Variants in GRM5 observed in about 807,000 individuals in gnomAD.
GRM5 encodes glutamate metabotropic receptor 5.
Under a neutral mutation model 83.1 loss-of-function variants are expected in GRM5, and 19 were observed. That is an observed-to-expected ratio of 0.23 (90% CI 0.16 to 0.34). The LOEUF is 0.34. Among genes scored for constraint, GRM5 ranks in the 10% least tolerant of loss-of-function variants. GRM5 has a pLI of 1.00. For synonymous variants in GRM5, 675 were observed against 633.6 expected (o/e 1.07, Z -0.98); for missense variants, 1,160 against 1,588.3 (o/e 0.73, Z 4.58).
chr11:88,586,363 A>C (rs1943316216), intron 7 of GRM5, among the ~76,000 whole-genome samples: 2 of 152,188 alleles, frequency 1.3e-5, no homozygotes, highest in African/African-American at 4.8e-5. Flanking sequence ...CATGCTGATA[A>C]TCTTATAGGA....
At chr11:88,677,008 TG>T (rs1940347007) in intron 3 of GRM5, among the ~76,000 whole-genome samples, 1 of 152,072 alleles carries the variant, frequency 6.6e-6, no homozygotes, top group Admixed American at 6.6e-5. Context: ...TTGAAAACTG[TG>T]GAAGTATGGT....
chr11:88,766,966 C>T (rs979001784), intron 3 of GRM5, among the ~76,000 whole-genome samples: 4 of 151,900 alleles, frequency 2.6e-5, no homozygotes, highest in Admixed American at 6.6e-5. Context: ...CATCACTAAT[C>T]GTTAGAAAAA....
intron 8 of GRM5, among the ~76,000 whole-genome samples, chr11:88,550,480 C>A (rs1190091932): frequency 6.6e-6 from 1 of 152,174 alleles, no homozygotes; most frequent in Non-Finnish European, 1.5e-5. Context: ...CAATTTAGTT[C>A]AAGTCAGCCC....
At position 88,979,082 on chromosome 11, in the gene GRM5, A is replaced by T. The variant is rs1939438624; in HGVS notation, c.661+68130T>A. On this transcript the variant is annotated intron_variant, in intron 2 of 9. Coordinates refer to ENST00000305447, the MANE Select transcript of GRM5 (RefSeq NM_001143831.3). ...TTTTCATCTTCTTGTTCAGCAATGC[A>T]GTTTCATTCCTGATGCTGCTATTAA... Among the ~76,000 whole-genome samples the T allele has an allele frequency of 2.0e-5, 3 of 152,198 alleles. No homozygotes were observed. In the South Asian group the frequency reaches 6.2e-4, roughly 31 times the overall value.
chr11:88,860,243 A>T (rs1944539482), intron 2 of GRM5, among the ~76,000 whole-genome samples: 1 of 152,068 alleles, frequency 6.6e-6, no homozygotes, highest in Non-Finnish European at 1.5e-5. Flanking sequence ...TTCCTAGAGG[A>T]AAATAAAAAC....
intron 3 of GRM5, among the ~76,000 whole-genome samples, chr11:88,804,977 T>C (rs1370956976): frequency 6.6e-6 from 1 of 152,132 alleles, no homozygotes; most frequent in Admixed American, 6.5e-5. Context: ...ATTAAAAAAC[T>C]AAAGAAAGAG....
chr11:88,968,113 T>G (rs1440234581), intron 2 of GRM5, among the ~76,000 whole-genome samples: 1 of 152,108 alleles, frequency 6.6e-6, no homozygotes, highest in Admixed American at 6.6e-5. Flanking sequence ...CAATTCAGGC[T>G]TATACAAAAA....
intron 2 of GRM5, among the ~76,000 whole-genome samples, chr11:88,916,962 A>T (rs912660751): frequency 6.6e-6 from 1 of 152,110 alleles, no homozygotes; most frequent in African/African-American, 2.4e-5. Flanking sequence ...AGCACCTCTG[A>T]CTAAAGAGCC....
chr11:89,017,487 C>T (rs1188397119), intron 2 of GRM5, among the ~76,000 whole-genome samples: 1 of 152,136 alleles, frequency 6.6e-6, no homozygotes, highest in Non-Finnish European at 1.5e-5. Context: ...AATGAAAATG[C>T]CTCTTACCAT....
chr11:88,987,325 G>A (rs537280511), intron 2 of GRM5, among the ~76,000 whole-genome samples: 43 of 152,278 alleles, frequency 2.8e-4, no homozygotes, highest in African/African-American at 8.9e-4. Flanking sequence ...GGCACACCAC[G>A]AGATTATATC....
intron 3 of GRM5, among the ~76,000 whole-genome samples, chr11:88,809,486 G>A (rs1396679893): frequency 6.6e-6 from 1 of 151,922 alleles, no homozygotes; most frequent in Non-Finnish European, 1.5e-5. Flanking sequence ...GCTTTATGTA[G>A]TTCATCTCAT....
At chr11:89,036,195 C>G (rs957447627) in intron 2 of GRM5, among the ~76,000 whole-genome samples, 1 of 152,010 alleles carries the variant, frequency 6.6e-6, no homozygotes, top group Middle Eastern at 3.2e-3. Flanking sequence ...CTCATCTTAC[C>G]ACAGCATAAT....
At chr11:88,970,575 A>G (rs576929674) in intron 2 of GRM5, among the ~76,000 whole-genome samples, 1 of 152,210 alleles carries the variant, frequency 6.6e-6, no homozygotes, top group Non-Finnish European at 1.5e-5. Context: ...CAGCAACATT[A>G]AACTGAAAGT....
At chr11:88,659,933 A>G (rs139824073) in intron 3 of GRM5, among the ~76,000 whole-genome samples, 1,582 of 152,326 alleles carry the variant, frequency 0.01, 30 homozygotes, top group African/African-American at 0.034. Context: ...AGTTATTGCT[A>G]TGGAAAACAG....
intron 1 of GRM5, among the ~76,000 whole-genome samples, chr11:89,054,839 A>C (rs1207174982): frequency 6.6e-6 from 1 of 152,240 alleles, no homozygotes; most frequent in Non-Finnish European, 1.5e-5. Flanking sequence ...TAAAGACTGG[A>C]AACATATACA....
intron 2 of GRM5, among the ~76,000 whole-genome samples, chr11:89,034,845 CTT>C (rs557239573): frequency 6.0e-5 from 8 of 133,492 alleles, no homozygotes; most frequent in Non-Finnish European, 8.0e-5. Flanking sequence ...CCCTCAAATC[CTT>C]TTTTTTTTTT....
intron 2 of GRM5, among the ~76,000 whole-genome samples, chr11:88,856,996 G>C (rs1944489443): frequency 6.6e-6 from 1 of 152,044 alleles, no homozygotes; most frequent in Non-Finnish European, 1.5e-5. Context: ...GTGTATAGAT[G>C]ATACTTAAGT....
intron 2 of GRM5, among the ~76,000 whole-genome samples, chr11:88,863,160 G>T (rs1944596734): frequency 1.3e-5 from 2 of 152,226 alleles, no homozygotes; most frequent in South Asian, 4.1e-4. Context: ...TACACTCTTG[G>T]TGGGAATGTA....
chr11:88,997,243 C>T (rs1940210697), intron 2 of GRM5, among the ~76,000 whole-genome samples: 1 of 150,714 alleles, frequency 6.6e-6, no homozygotes, highest in African/African-American at 2.4e-5. Flanking sequence ...AGGAGAATCA[C>T]TTGAACCCAA....
Sources: gnomAD v4.1 joint callset for allele counts (sites outside exome capture counted in the v4.1 genomes callset) on GRCh38, gnomAD v4.1.1 for gene constraint, MANE v1.5 for transcripts, NCBI Gene and HGNC (gene_info 2026-07-23, HGNC 2026-07-21) for gene names.